TUSC3: variants seen among roughly 807,000 people sequenced by gnomAD.
TUSC3 encodes tumor suppressor candidate 3.
A neutral mutation model predicts 44.8 loss-of-function variants in TUSC3; 45 were observed. The ratio of observed to expected loss-of-function variants is 1.00; its 90% CI spans 0.79 to 1.29. The LOEUF is 1.29. Ranked by LOEUF, TUSC3 falls within the 50% of genes most tolerant of loss-of-function variation. The probability of loss-of-function intolerance (pLI) is 0.00; values close to 1 mark genes in which losing one functional copy is unlikely to be tolerated. For missense variants in TUSC3, 519 were observed against 437.9 expected (o/e 1.19, Z -1.65); for synonymous variants, 212 against 152.9 (o/e 1.39, Z -2.85).
the TUSC3 span, among the ~76,000 whole-genome samples, chr8:15,808,349 T>C: frequency 4.6e-5 from 7 of 152,154 alleles, no homozygotes; most frequent in African/African-American, 1.7e-4. Flanking sequence ...AAATGCTCTC[T>C]CCAGAGCACT....
intron 6 of TUSC3, chr8:15,689,359 C>G: frequency 8.2e-6 from 2 of 243,156 alleles, no homozygotes; most frequent in Non-Finnish European, 1.6e-5. Flanking sequence ...CCCAGCTGTT[C>G]ACCTTGTGGC....
chr8:15,599,251 T>C (rs1804183725), intron 1 of TUSC3, among the ~76,000 whole-genome samples: 1 of 151,862 alleles, frequency 6.6e-6, no homozygotes, highest in Non-Finnish European at 1.5e-5. Context: ...TCTCTTAAGG[T>C]CTTTGGCCCA....
At chr8:15,621,090 C>T (rs1563138081) in intron 1 of TUSC3, among the ~76,000 whole-genome samples, 1 of 151,900 alleles carries the variant, frequency 6.6e-6, no homozygotes. Context: ...TTCTCTTCTG[C>T]CCTCATTAGT....
At position 15,566,866 on chromosome 8, in the gene TUSC3, C is replaced by A. The variant is rs148431658; in HGVS notation, c.138+26298C>A. Among the ~76,000 whole-genome samples the A allele has an allele frequency of 2.1e-3, 327 of 152,206 alleles. 2 individuals carry two copies. The highest frequency in any genetic ancestry group is 0.02 in the Middle Eastern group (6 of 294). ...CAGGCTGCTCTTAAATTTCTGGGAT[C>A]CAGTTATCCTGCGGCTTCGGCCTCC... On this transcript the variant is annotated intron_variant, in intron 1 of 10. Transcript: ENST00000503731.
intron 1 of TUSC3, among the ~76,000 whole-genome samples, chr8:15,587,991 G>C (rs1346573562): frequency 6.6e-6 from 1 of 151,754 alleles, no homozygotes; most frequent in East Asian, 1.9e-4. Context: ...TTGGTATCTT[G>C]GCAATTGTGA....
chr8:15,615,608 A>G (rs1804953478), intron 1 of TUSC3, among the ~76,000 whole-genome samples: 1 of 152,154 alleles, frequency 6.6e-6, no homozygotes, highest in Non-Finnish European at 1.5e-5. Context: ...CAAATCTAGA[A>G]GAGAGGATTT....
intron 8 of TUSC3, among the ~76,000 whole-genome samples, chr8:15,745,126 C>G (rs564477716): frequency 6.6e-6 from 1 of 151,824 alleles, no homozygotes; most frequent in African/African-American, 2.4e-5. Flanking sequence ...TGATTTTGTT[C>G]TTTTTGGCTG....
At chr8:15,464,884 C>T (rs1449040197) in intron 1 of TUSC3, among the ~76,000 whole-genome samples, 4 of 152,206 alleles carry the variant, frequency 2.6e-5, no homozygotes, top group South Asian at 2.1e-4. Flanking sequence ...GAGTCTTGCT[C>T]TGTCTCCCAG....
At chr8:15,828,606 T>C in the TUSC3 span, among the ~76,000 whole-genome samples, 11 of 152,250 alleles carry the variant, frequency 7.2e-5, no homozygotes, top group Non-Finnish European at 1.2e-4. Flanking sequence ...ATGCATCTAT[T>C]GCTTTTGGAT....
chr8:15,637,252 T>C (rs569059485), intron 2 of TUSC3, among the ~76,000 whole-genome samples: 10 of 152,290 alleles, frequency 6.6e-5, no homozygotes, highest in South Asian at 2.1e-4. Flanking sequence ...TATTTTGTTT[T>C]TGTTCTCTTA....
At chr8:15,782,565 A>G in the TUSC3 span, among the ~76,000 whole-genome samples, 21 of 152,224 alleles carry the variant, frequency 1.4e-4, no homozygotes, top group Non-Finnish European at 1.5e-5. Flanking sequence ...CTGGGATGCA[A>G]TGATGGCTCA....
chr8:15,840,977 G>A, the TUSC3 span, among the ~76,000 whole-genome samples: 3 of 152,086 alleles, frequency 2.0e-5, no homozygotes, highest in Non-Finnish European at 4.4e-5. Context: ...GTTGCTAGAG[G>A]ACATGTATTT....
At chr8:15,549,238 ATC>A (rs1201896778) in intron 1 of TUSC3, among the ~76,000 whole-genome samples, 6 of 151,636 alleles carry the variant, frequency 4.0e-5, no homozygotes, top group Non-Finnish European at 8.8e-5. Context: ...GCAGTGGGCT[ATC>A]TCTGCTCATT....
the TUSC3 span, among the ~76,000 whole-genome samples, chr8:15,802,787 C>T: frequency 1.3e-5 from 2 of 151,584 alleles, no homozygotes; most frequent in Non-Finnish European, 2.9e-5. Flanking sequence ...AGCATATCTT[C>T]TCAAAAGCAA....
At chr8:15,562,162 C>G (rs1296322438) in intron 1 of TUSC3, among the ~76,000 whole-genome samples, 1 of 152,272 alleles carries the variant, frequency 6.6e-6, no homozygotes, top group African/African-American at 2.4e-5. Flanking sequence ...TTCTTATAAC[C>G]TAGTTGGGGT....
chr8:15,707,199 T>C (rs889337111), intron 6 of TUSC3, among the ~76,000 whole-genome samples: 5 of 152,018 alleles, frequency 3.3e-5, no homozygotes, highest in Non-Finnish European at 5.9e-5. Context: ...GAACTGGTAA[T>C]GTAAATGCAT....
At chr8:15,495,649 G>T (rs1468405987) in intron 2 of TUSC3, among the ~76,000 whole-genome samples, 1 of 152,082 alleles carries the variant, frequency 6.6e-6, no homozygotes, top group Non-Finnish European at 1.5e-5. Flanking sequence ...CTCCCTTTGG[G>T]GGGCAGTATG....
intron 1 of TUSC3, among the ~76,000 whole-genome samples, chr8:15,469,051 A>G (rs992020010): frequency 1.3e-5 from 2 of 152,192 alleles, no homozygotes; most frequent in African/African-American, 4.8e-5. Context: ...GAAAGTCAGA[A>G]TAAAAACGAG....
At chr8:15,584,774 C>G (rs1327316269) in intron 1 of TUSC3, among the ~76,000 whole-genome samples, 5 of 151,994 alleles carry the variant, frequency 3.3e-5, no homozygotes, top group Admixed American at 3.3e-4. Flanking sequence ...CACAGGCAAT[C>G]TGAAAGTATA....
Sources: gnomAD v4.1 joint callset for allele counts (sites outside exome capture counted in the v4.1 genomes callset) on GRCh38, gnomAD v4.1.1 for gene constraint, MANE v1.5 for transcripts, NCBI Gene and HGNC (gene_info 2026-07-23, HGNC 2026-07-21) for gene names.